The following ANKRD36 variants were observed in gnomAD, a reference collection of about 807,000 sequenced individuals.
ANKRD36 encodes the protein ankyrin repeat domain 36.
In ANKRD36, 179 loss-of-function variants were observed where a neutral mutation model predicts 278.1. The ratio of observed to expected loss-of-function variants is 0.64; its 90% confidence interval spans 0.57 to 0.73. The LOEUF (loss-of-function observed/expected upper bound fraction) is 0.73. ANKRD36 is among the 30% of genes least tolerant of loss of function. The probability of loss-of-function intolerance (pLI) is 0.00; values close to 1 mark genes in which losing one functional copy is unlikely to be tolerated. For synonymous variants in ANKRD36, 320 were observed against 641.1 expected (o/e 0.50, Z 7.57); for missense variants, 1,159 against 1,956.7 (o/e 0.59, Z 7.69).
chr2:97,174,625 C>T (rs1470034311), intron 22 of ANKRD36, among the ~76,000 whole-genome samples: 2 of 151,692 alleles, frequency 1.3e-5, no homozygotes, highest in Non-Finnish European at 2.9e-5. Context: ...ATTTCCTTCT[C>T]CTGCCTAATT....
intron 22 of ANKRD36, among the ~76,000 whole-genome samples, chr2:97,170,368 T>G (rs953936309): frequency 6.6e-6 from 1 of 151,902 alleles, no homozygotes. Flanking sequence ...TATAGATCAA[T>G]GGAACAGAAC....
At chr2:97,231,936 A>G (rs1310601033) in intron 67 of ANKRD36, among the ~76,000 whole-genome samples, 1 of 152,104 alleles carries the variant, frequency 6.6e-6, no homozygotes, top group African/African-American at 2.4e-5. Flanking sequence ...CAGTGCCTTT[A>G]TAGTACCACA....
intron 67 of ANKRD36, among the ~76,000 whole-genome samples, chr2:97,229,057 G>C (rs1435062634): frequency 6.6e-6 from 1 of 151,892 alleles, no homozygotes; most frequent in African/African-American, 2.4e-5. Context: ...TTACTTCCAA[G>C]TATGTGGTCA....
At chr2:97,204,971 A>G (rs1267485630) in intron 50 of ANKRD36, among the ~76,000 whole-genome samples, 1 of 151,502 alleles carries the variant, frequency 6.6e-6, no homozygotes, top group African/African-American at 2.4e-5. Context: ...TTAGTTATAG[A>G]AATGAGATAA....
At chr2:97,202,582 A>G (rs1467349747) in intron 48 of ANKRD36, among the ~76,000 whole-genome samples, 189 bp downstream of exon 48, 6 of 151,796 alleles carry the variant, frequency 4.0e-5, no homozygotes, top group Non-Finnish European at 5.9e-5. Flanking sequence ...TCGCTGTAAG[A>G]TTATACACTT....
intron 4 of ANKRD36, among the ~76,000 whole-genome samples, chr2:97,123,700 T>A (rs1189439450): frequency 1.4e-5 from 2 of 139,888 alleles, no homozygotes; most frequent in Non-Finnish European, 3.1e-5. Flanking sequence ...GCTGAGCATA[T>A]AAGTATGTGC....
intron 22 of ANKRD36, among the ~76,000 whole-genome samples, chr2:97,170,258 C>T (rs1002102892): frequency 9.9e-5 from 15 of 151,710 alleles, no homozygotes; most frequent in African/African-American, 3.6e-4. Context: ...TTCCTTACAC[C>T]TTATACAAAA....
intron 15 of ANKRD36, among the ~76,000 whole-genome samples, chr2:97,156,798 T>C (rs1247459229): frequency 6.8e-6 from 1 of 147,306 alleles, no homozygotes; most frequent in Non-Finnish European, 1.5e-5. Flanking sequence ...ATCGCCACAC[T>C]GACTTCCACA....
intron 6 of ANKRD36, among the ~76,000 whole-genome samples, chr2:97,130,536 T>C (rs2039868000): frequency 6.6e-6 from 1 of 151,646 alleles, no homozygotes; most frequent in South Asian, 2.1e-4. Context: ...ACATGGCACA[T>C]GTATACATAT....
At chr2:97,190,405 A>G (rs2058258839) in intron 34 of ANKRD36, among the ~76,000 whole-genome samples, 1 of 138,742 alleles carries the variant, frequency 7.2e-6, no homozygotes, top group Admixed American at 7.3e-5. Context: ...GGTGTGAGAG[A>G]TAATGAATAT....
At chr2:97,171,928 A>G (rs78884962) in intron 22 of ANKRD36, among the ~76,000 whole-genome samples, 1 of 129,398 alleles carries the variant, frequency 7.7e-6, no homozygotes, top group Non-Finnish European at 1.7e-5. Context: ...GGATCTAATT[A>G]AACTAAGGAA....
rs2034192889 is a variant in ANKRD36 at position 97,113,648 on chromosome 2, A to T, written c.-92A>T. 43 of 1,553,170 alleles carry T rather than the reference A, an allele frequency of 2.8e-5. 1 individual carries two copies. The South Asian group carries it at 4.6e-4, about 17-fold the overall frequency. On this transcript the variant is annotated 5_prime_UTR_variant, in exon 1 of 76. Transcript: ENST00000420699. ...AGAGTCTGTGCGGAGGTCCGTGGACAGACTGCTTTGCTCGTTGTTGCTCTT... is the reference window on the plus strand; with the variant it reads ...AGAGTCTGTGCGGAGGTCCGTGGACTGACTGCTTTGCTCGTTGTTGCTCTT...
At position 97,211,708 on chromosome 2, in the gene ANKRD36, A is replaced by G. The variant is rs2064676817; in HGVS notation, c.3436A>G (p.Thr1146Ala). Residue 1146 changes from threonine to alanine, a missense_variant, in exon 58 of 76, where the codon ACG becomes GCG. By Grantham distance (58) the Thr-to-Ala change is moderately conservative. Transcript: ENST00000420699. The stretch of plus-strand genomic sequence containing the variant: ...GGAAGATTCTGTTCCGAATATGGCC[A>G]CGGAAAAAAAGGATGAACAAATATC... ...DKEDSVPNMA[T>A]EKKDEQISGT... 1 of 1,590,836 alleles carries G rather than the reference A, an allele frequency of 6.3e-7. No individual in the cohort carries two copies. Among genetic ancestry groups the G allele is most frequent in the Non-Finnish European group, 8.5e-7 (1 of 1,169,644 alleles).
At chr2:97,140,408 T>G (rs1045532908) in intron 6 of ANKRD36, among the ~76,000 whole-genome samples, 1 of 152,006 alleles carries the variant, frequency 6.6e-6, no homozygotes, top group East Asian at 1.9e-4. Flanking sequence ...CTCCACAAAG[T>G]CTTACGTATG....
Position 97,198,642 on chromosome 2 carries a change from A to G in ANKRD36, c.2739A>G (p.Gly913=). 6.5e-7 allele frequency: 1 copy of G among 1,543,066 alleles called. No homozygotes were observed. Among genetic ancestry groups the G allele is most frequent in the Non-Finnish European group, 8.8e-7 (1 of 1,141,612 alleles). Residue 913 remains glycine, a synonymous_variant, in exon 44 of 76, where the codon GGA becomes GGG. Transcript: ENST00000420699. ...VLNIARGKKD[G]EKTKRVSSRK... Reference sequence around the variant, plus strand: ...ATATAGCCAGAGGAAAAAAGGATGGAGAAAAAACTAAGAGAGGTAATTTTG... The same window carrying G: ...ATATAGCCAGAGGAAAAAAGGATGGGGAAAAAACTAAGAGAGGTAATTTTG...
intron 8 of ANKRD36, 69 bp downstream of exon 8, chr2:97,142,904 A>G: frequency 1.4e-6 from 2 of 1,473,602 alleles, no homozygotes; most frequent in Non-Finnish European, 1.8e-6. Flanking sequence ...CACTGAATAA[A>G]TCGCAGGGAG....
intron 69 of ANKRD36, among the ~76,000 whole-genome samples, chr2:97,242,288 CAAAA>C (rs377748316): frequency 8.1e-6 from 1 of 124,020 alleles, no homozygotes. Context: ...GACTCCCTCT[CAAAA>C]AAAAAAAAAA....
intron 38 of ANKRD36, among the ~76,000 whole-genome samples, chr2:97,193,538 G>A (rs1263495722): frequency 2.8e-5 from 4 of 141,854 alleles, no homozygotes; most frequent in Non-Finnish European, 6.3e-5. Flanking sequence ...GTGAAAAGAA[G>A]AAGTCATTTA....
At chr2:97,155,840 T>C (rs1272431221) in intron 15 of ANKRD36, among the ~76,000 whole-genome samples, 1 of 146,724 alleles carries the variant, frequency 6.8e-6, no homozygotes, top group Non-Finnish European at 1.5e-5. Context: ...ATGTCTTGCA[T>C]GTAAGAAATA....
Sources: allele counts gnomAD v4.1 joint callset (sites outside exome capture counted in the v4.1 genomes callset), GRCh38; gene constraint gnomAD v4.1.1; transcripts MANE v1.5; gene names NCBI Gene and HGNC (gene_info 2026-07-23, HGNC 2026-07-21).